RPGRIP1: variants seen among roughly 807,000 people sequenced by gnomAD.
RPGRIP1 encodes X-linked retinitis pigmentosa GTPase regulator-interacting protein 1.
Under a neutral mutation model 157.9 loss-of-function variants are expected in RPGRIP1, and 128 were observed. That is an observed-to-expected ratio of 0.81 (90% CI 0.70 to 0.94). The LOEUF is 0.94. RPGRIP1 is among the 40% of genes least tolerant of loss of function. The pLI is 0.00. For synonymous variants in RPGRIP1, 554 were observed against 571.6 expected, an observed-to-expected ratio of 0.97 and a Z score of 0.44; for missense variants, 1,486 against 1,545.8, an observed-to-expected ratio of 0.96 and a Z score of 0.65.
At chr14:21,313,703 G>A (rs1477286164) in intron 10 of RPGRIP1, among the ~76,000 whole-genome samples, 3 of 151,516 alleles carry the variant, frequency 2.0e-5, no homozygotes, top group East Asian at 1.9e-4. Context: ...CAGGAGAATC[G>A]CTTGAACCCG....
rs201016898 is a variant in RPGRIP1, at chr14:21,309,844, GTT to G, written c.907-738_907-737del. Among the ~76,000 whole-genome samples, 1,386 of 142,636 alleles carry G rather than the reference GTT, an allele frequency of 9.7e-3. 23 individuals carry two copies. The highest frequency in any genetic ancestry group is 0.032 in the African/African-American group (1,245 of 38,606). The allele number at this position is 142,636 out of a possible 152,430, so 93.6% of individuals were successfully genotyped here. Reference sequence around the variant, plus strand: ...AATAAAAAATAAATTTAAAAAAAAAGTTTGGGAGGCTGAGGTGGGTGGATCGC... The same window carrying G: ...AATAAAAAATAAATTTAAAAAAAAAGTGGGAGGCTGAGGTGGGTGGATCGC... On this transcript the variant is annotated intron_variant, in intron 7 of 24. Coordinates refer to ENST00000400017, the MANE Select transcript of RPGRIP1 (RefSeq NM_020366.4).
chr14:21,330,168 A>G, intron 19 of RPGRIP1, 81 bp from the exon 20 acceptor site: 4 of 967,956 alleles, frequency 4.1e-6, no homozygotes, highest in Non-Finnish European at 5.8e-6. Flanking sequence ...CTAATATTTA[A>G]AAAGAAGGCA....
rs376008791 is a variant in RPGRIP1, at chr14:21,309,919, G to A, written c.907-665G>A. ...AGCCTGGCCAACATGGTGAAACCCC[G>A]TCTCTACTAAAATACAAAAATTAGG... On this transcript the variant is annotated intron_variant, in intron 7 of 24. Transcript: ENST00000400017. Among the ~76,000 whole-genome samples, 424 of 119,476 alleles carry A rather than the reference G, an allele frequency of 3.5e-3. 3 individuals are homozygous for A. Among genetic ancestry groups the A allele is most frequent in the African/African-American group, 0.012 (387 of 33,164 alleles). The allele number at this position is 119,476 out of a possible 152,430, so 78.4% of individuals were successfully genotyped here.
chr14:21,299,638 T>C (rs1329930776), intron 3 of RPGRIP1, among the ~76,000 whole-genome samples: 1 of 152,224 alleles, frequency 6.6e-6, no homozygotes, highest in East Asian at 1.9e-4. Flanking sequence ...CTTTTATCTT[T>C]TTCTATTTAT....
intron 10 of RPGRIP1, among the ~76,000 whole-genome samples, chr14:21,316,886 G>A (rs1048186155): frequency 6.6e-6 from 1 of 152,082 alleles, no homozygotes; most frequent in Admixed American, 6.6e-5. Flanking sequence ...TTGGGAGGCC[G>A]AGGCAGGTGG....
chr14:21,296,970 T>G (rs899335766), intron 3 of RPGRIP1, among the ~76,000 whole-genome samples: 1 of 149,856 alleles, frequency 6.7e-6, no homozygotes, highest in Non-Finnish European at 1.5e-5. Flanking sequence ...AAAAAAAAAG[T>G]ATTAATTCAT....
intron 20 of RPGRIP1, among the ~76,000 whole-genome samples, chr14:21,331,936 AT>A (rs397852575): frequency 0.048 from 6,250 of 130,636 alleles, 153 homozygotes; most frequent in African/African-American, 0.12. Flanking sequence ...TATATATATA[AT>A]TTTTTTTTTT....
rs1330452923 is a variant in RPGRIP1, at chr14:21,316,945, C to A, written c.1152-751C>A. On this transcript the variant is annotated intron_variant, in intron 10 of 24. Coordinates refer to ENST00000400017, the MANE Select transcript of RPGRIP1 (RefSeq NM_020366.4). ...GACCAGCACAGCCAACATTGTAAAA[C>A]CCCGTCTCTATTAAAAATACAAAAA... 4.6e-5 allele frequency among the ~76,000 whole-genome samples: 7 copies of A among 151,870 alleles called. No homozygotes were observed. The South Asian group carries it at 1.5e-3, about 32-fold the overall frequency.
At chr14:21,350,902 G>C (rs6571770) in intron 24 of RPGRIP1, among the ~76,000 whole-genome samples, 1 of 152,136 alleles carries the variant, frequency 6.6e-6, no homozygotes, top group Non-Finnish European at 1.5e-5. Context: ...CAGATGCCTC[G>C]TTATGTCCCC....
chr14:21,293,501 G>A (rs1880622582), intron 2 of RPGRIP1, among the ~76,000 whole-genome samples: 1 of 152,152 alleles, frequency 6.6e-6, no homozygotes, highest in Non-Finnish European at 1.5e-5. Context: ...CCAGCACTTT[G>A]GGAGGCCGAG....
At chr14:21,281,415 G>A (rs952526702) in intron 1 of RPGRIP1, among the ~76,000 whole-genome samples, 7 of 152,136 alleles carry the variant, frequency 4.6e-5, no homozygotes, top group Admixed American at 2.6e-4. Context: ...TGGCCCAGGC[G>A]TGTTGGCTCA....
At position 21,330,275 on chromosome 14, in the gene RPGRIP1, C is replaced by A. The variant is rs748192524; in HGVS notation, c.3126C>A (p.Phe1042Leu). The change falls in exon 20 of 25, where the codon TTC becomes TTA. Residue 1042 changes from phenylalanine to leucine, a missense_variant. Transcript: ENST00000400017. ...PEQVNYTEWK[F>L]SETNSFIGDG... ...AGGTGAATTACACTGAGTGGAAGTTCTCAGAGACTAACAGCTTCATAGGTG... is the reference window on the plus strand; with the variant it reads ...AGGTGAATTACACTGAGTGGAAGTTATCAGAGACTAACAGCTTCATAGGTG... 3.2e-6 allele frequency: 5 copies of A among 1,573,508 alleles called. No individual in the cohort carries two copies. In the African/African-American group the frequency reaches 6.9e-5, roughly 22 times the overall value.
intron 20 of RPGRIP1, among the ~76,000 whole-genome samples, chr14:21,332,274 G>GCATAACT (rs1883873213): frequency 1.3e-5 from 2 of 152,020 alleles, no homozygotes; most frequent in Admixed American, 1.3e-4. Context: ...AATGTATTTG[G>GCATAACT]CATAACTTCT....
intron 10 of RPGRIP1, among the ~76,000 whole-genome samples, chr14:21,316,642 TC>T (rs1414963240): frequency 6.6e-6 from 1 of 152,150 alleles, no homozygotes; most frequent in Admixed American, 6.5e-5. Flanking sequence ...GGTCTCGAAG[TC>T]CTGACCTCAT....
At chr14:21,294,552 A>T in intron 2 of RPGRIP1, 125 bp from the exon 3 acceptor site, 1 of 962,560 alleles carries the variant, frequency 1.0e-6, no homozygotes, top group African/African-American at 1.7e-5. Flanking sequence ...ATACTTCCTG[A>T]TTTCCTCATA....
intron 20 of RPGRIP1, among the ~76,000 whole-genome samples, chr14:21,331,676 G>A (rs1883809050): frequency 6.6e-6 from 1 of 152,114 alleles, no homozygotes; most frequent in Non-Finnish European, 1.5e-5. Flanking sequence ...GGGGAAGAGG[G>A]TTATCAGGAA....
intron 1 of RPGRIP1, among the ~76,000 whole-genome samples, chr14:21,282,605 A>ATTTTT (rs35939351): frequency 2.9e-5 from 3 of 103,250 alleles, no homozygotes; most frequent in East Asian, 2.7e-4. Context: ...TCTACATTCC[A>ATTTTT]TTTTTTTTTT....
At chr14:21,299,135 C>G (rs968436098) in intron 3 of RPGRIP1, among the ~76,000 whole-genome samples, 2 of 151,622 alleles carry the variant, frequency 1.3e-5, no homozygotes, top group African/African-American at 4.8e-5. Flanking sequence ...CCTGCCTCAG[C>G]CTCCCAAGTA....
intron 22 of RPGRIP1, 110 bp from the exon 23 acceptor site, chr14:21,345,003 G>A (rs2139349151): frequency 2.8e-6 from 2 of 720,870 alleles, no homozygotes; most frequent in South Asian, 3.0e-5. Flanking sequence ...ATCCAGGCAA[G>A]GAGTCTAATC....
Sources: allele counts gnomAD v4.1 joint callset (sites outside exome capture counted in the v4.1 genomes callset), GRCh38; gene constraint gnomAD v4.1.1; transcripts MANE v1.5; gene names NCBI Gene and HGNC (gene_info 2026-07-23, HGNC 2026-07-21).